MACROD2: variants seen among roughly 807,000 people sequenced by gnomAD.
MACROD2 encodes the protein ADP-ribose glycohydrolase MACROD2.
In MACROD2, 36 loss-of-function variants were observed where a neutral mutation model predicts 70.4. The ratio of observed to expected loss-of-function variants is 0.51; its 90% CI spans 0.39 to 0.68. MACROD2 has a LOEUF of 0.68. Among genes scored for constraint, MACROD2 ranks in the 30% least tolerant of loss-of-function variants. The pLI is 0.00. For synonymous variants in MACROD2, 172 were observed against 178.8 expected, an observed-to-expected ratio of 0.96 and a Z score of 0.30; for missense variants, 496 against 538.4, an observed-to-expected ratio of 0.92 and a Z score of 0.78.
At chr20:14,796,845 T>A (rs913277509) in intron 5 of MACROD2, among the ~76,000 whole-genome samples, 1 of 152,072 alleles carries the variant, frequency 6.6e-6, no homozygotes, top group African/African-American at 2.4e-5. Flanking sequence ...GGCATTCTAG[T>A]GTTGCTTTCT....
At chr20:14,393,033 G>A (rs563536468) in intron 3 of MACROD2, among the ~76,000 whole-genome samples, 2 of 152,218 alleles carry the variant, frequency 1.3e-5, no homozygotes, top group East Asian at 1.9e-4. Flanking sequence ...GTAAAACCAG[G>A]TTGAGATCTT....
chr20:15,116,963 C>G (rs2075996050), intron 5 of MACROD2, among the ~76,000 whole-genome samples: 1 of 152,106 alleles, frequency 6.6e-6, no homozygotes, highest in Non-Finnish European at 1.5e-5. Context: ...TTTTATTGCA[C>G]TGTTCATGAC....
chr20:15,314,559 T>C (rs141639421), intron 6 of MACROD2, among the ~76,000 whole-genome samples: 50 of 152,336 alleles, frequency 3.3e-4, no homozygotes, highest in African/African-American at 1.2e-3. Context: ...GTGTCCCTGA[T>C]TTTGTAGGGA....
At position 15,383,461 on chromosome 20, in the gene MACROD2, T is replaced by G. The variant is rs568169311; in HGVS notation, c.541-47944T>G. ...TAAGAAGTAGAATTTCAAACACAGG[T>G]TGAACTAACCTTAGAGTAGGGTTTT... is the stretch of plus-strand genomic sequence containing the variant. On this transcript the variant is annotated intron_variant, in intron 6 of 17. Coordinates refer to ENST00000684519, the MANE Select transcript of MACROD2 (RefSeq NM_001351661.2). Among the ~76,000 whole-genome samples the G allele has an allele frequency of 3.9e-4, 59 of 152,298 alleles. 1 individual carries two copies. In the South Asian group the frequency reaches 0.012, roughly 30 times the overall value.
chr20:14,853,200 T>TGTGTGTGTGTGG, intron 5 of MACROD2, among the ~76,000 whole-genome samples: 1 of 151,400 alleles, frequency 6.6e-6, no homozygotes, highest in African/African-American at 2.4e-5. Flanking sequence ...TGTGTGTGTG[T>TGTGTGTGTGTGG]ATAAATGGGG....
intron 8 of MACROD2, among the ~76,000 whole-genome samples, chr20:15,506,524 G>A (rs1403415044): frequency 6.6e-6 from 1 of 152,142 alleles, no homozygotes; most frequent in African/African-American, 2.4e-5. Flanking sequence ...AGGTCTTTGA[G>A]CATATGCAGT....
intron 6 of MACROD2, among the ~76,000 whole-genome samples, chr20:15,404,510 A>G (rs577532161): frequency 5.3e-5 from 8 of 152,322 alleles, no homozygotes; most frequent in African/African-American, 1.9e-4. Context: ...GTGGATGCCA[A>G]TTTATATTTT....
At chr20:15,651,855 G>A (rs575639082) in intron 8 of MACROD2, among the ~76,000 whole-genome samples, 2 of 152,158 alleles carry the variant, frequency 1.3e-5, no homozygotes, top group Middle Eastern at 3.4e-3. Context: ...AATGGTTATG[G>A]GAATGGCTTA....
chr20:15,470,604 T>C (rs910672511), intron 7 of MACROD2, among the ~76,000 whole-genome samples: 1 of 152,216 alleles, frequency 6.6e-6, no homozygotes, highest in Non-Finnish European at 1.5e-5. Flanking sequence ...CAATCCCATC[T>C]TGGCTTGTGT....
At chr20:15,574,589 T>A (rs543451644) in intron 8 of MACROD2, among the ~76,000 whole-genome samples, 2 of 152,280 alleles carry the variant, frequency 1.3e-5, no homozygotes, top group African/African-American at 4.8e-5. Context: ...CAATTGGGAA[T>A]CTCCTGGTTT....
At chr20:15,043,910 T>C (rs1238032350) in intron 5 of MACROD2, among the ~76,000 whole-genome samples, 1 of 152,174 alleles carries the variant, frequency 6.6e-6, no homozygotes, top group Non-Finnish European at 1.5e-5. Flanking sequence ...AAGAGATGCA[T>C]GGGGCAGAAA....
chr20:14,735,701 T>TTAGCTGGAC (rs1451359764), intron 5 of MACROD2, among the ~76,000 whole-genome samples: 1 of 151,848 alleles, frequency 6.6e-6, no homozygotes, highest in African/African-American at 2.4e-5. Context: ...AATACAAAAA[T>TTAGCTGGAC]TAGCTGGACA....
At chr20:15,335,240 C>A (rs1287231523) in intron 6 of MACROD2, among the ~76,000 whole-genome samples, 1 of 151,740 alleles carries the variant, frequency 6.6e-6, no homozygotes, top group Admixed American at 6.6e-5. Flanking sequence ...CTAGATAAAT[C>A]TGCATTTTGC....
intron 8 of MACROD2, among the ~76,000 whole-genome samples, chr20:15,587,601 G>A (rs553408958): frequency 1.3e-5 from 2 of 152,294 alleles, no homozygotes; most frequent in African/African-American, 4.8e-5. Flanking sequence ...AGATGCAATG[G>A]ACGTACAGTT....
intron 5 of MACROD2, among the ~76,000 whole-genome samples, chr20:14,862,442 T>TATATATAAATATATATAA (rs2073359726): frequency 1.9e-4 from 1 of 5,194 alleles, no homozygotes; most frequent in Non-Finnish European, 4.9e-4. Flanking sequence ...TATATATAAA[T>TATATATAAATATATATAA]ATATATATAA....
chr20:15,852,865 C>T (rs1002618941), intron 8 of MACROD2, among the ~76,000 whole-genome samples: 2 of 152,072 alleles, frequency 1.3e-5, no homozygotes, highest in African/African-American at 2.4e-5. Flanking sequence ...AAAAATTAGC[C>T]AGGCATGGTG....
intron 8 of MACROD2, among the ~76,000 whole-genome samples, chr20:15,540,146 T>C (rs16995929): frequency 0.075 from 11,354 of 152,196 alleles, 477 homozygotes; most frequent in South Asian, 0.14. Context: ...GCTCAGATAA[T>C]GACAAACAGC....
intron 5 of MACROD2, among the ~76,000 whole-genome samples, chr20:14,804,913 CAGAG>C (rs1442120350): frequency 7.0e-6 from 1 of 143,488 alleles, no homozygotes; most frequent in Non-Finnish European, 1.5e-5. Context: ...GAGAGAGAGA[CAGAG>C]AGAGAGAAAT....
intron 4 of MACROD2, among the ~76,000 whole-genome samples, chr20:14,647,039 G>A (rs1307715630): frequency 6.6e-6 from 1 of 152,082 alleles, no homozygotes; most frequent in East Asian, 1.9e-4. Context: ...TATCAAGCTG[G>A]CACACCTCAT....
Sources: allele counts gnomAD v4.1 joint callset (sites outside exome capture counted in the v4.1 genomes callset), GRCh38; gene constraint gnomAD v4.1.1; transcripts MANE v1.5; gene names NCBI Gene and HGNC (gene_info 2026-07-23, HGNC 2026-07-21).